The following IGFBP7 variants were observed in gnomAD, a reference collection of about 807,000 sequenced individuals.
IGFBP7 encodes insulin-like growth factor-binding protein 7.
A neutral mutation model predicts 29.4 loss-of-function variants in IGFBP7; 31 were observed. That is an observed-to-expected ratio of 1.05 (90% CI 0.79 to 1.42). The LOEUF is 1.42. Among genes scored for constraint, IGFBP7 ranks in the 40% most tolerant of loss-of-function variants. The pLI is 0.00. For synonymous variants in IGFBP7, 172 were observed against 174.9 expected (o/e 0.98, Z 0.13); for missense variants, 393 against 395.5 (o/e 0.99, Z 0.05).
chr4:57,086,158 G>A (rs1009619051), intron 1 of IGFBP7, among the ~76,000 whole-genome samples: 9 of 152,352 alleles, frequency 5.9e-5, no homozygotes, highest in Admixed American at 5.2e-4. Flanking sequence ...AAGAGAGCAT[G>A]CAGAGGGGAA....
At chr4:57,063,561 G>A (rs1724847382) in intron 1 of IGFBP7, among the ~76,000 whole-genome samples, 1 of 152,212 alleles carries the variant, frequency 6.6e-6, no homozygotes, top group South Asian at 2.1e-4. Context: ...TTTTGTTGTT[G>A]CAGATCATTG....
chr4:57,081,831 T>G (rs564742813), intron 1 of IGFBP7, among the ~76,000 whole-genome samples: 2 of 152,314 alleles, frequency 1.3e-5, no homozygotes, highest in African/African-American at 4.8e-5. Context: ...AATAAAGGAC[T>G]ATTCAGAGTT....
At chr4:57,080,541 T>C (rs1177836156) in intron 1 of IGFBP7, among the ~76,000 whole-genome samples, 3 of 152,124 alleles carry the variant, frequency 2.0e-5, no homozygotes, top group Admixed American at 1.3e-4. Context: ...ATTTATTTTA[T>C]TTTTTGAGAC....
chr4:57,096,611 T>C (rs947535972), intron 1 of IGFBP7, among the ~76,000 whole-genome samples: 2 of 152,158 alleles, frequency 1.3e-5, no homozygotes, highest in African/African-American at 4.8e-5. Flanking sequence ...GAGTGCATAG[T>C]ATATGGTGAG....
intron 1 of IGFBP7, among the ~76,000 whole-genome samples, chr4:57,089,121 C>T (rs1725576159): frequency 1.3e-5 from 2 of 151,688 alleles, no homozygotes; most frequent in Non-Finnish European, 2.9e-5. Flanking sequence ...TGAACCCCAC[C>T]CTCTCCAAAA....
At chr4:57,073,276 T>G (rs567208607) in intron 1 of IGFBP7, 33 of 550,998 alleles carry the variant, frequency 6.0e-5, no homozygotes, top group African/African-American at 4.7e-4. Flanking sequence ...AGCCTCCAGT[T>G]GAGTGCTTGT....
Position 57,032,452 on chromosome 4 carries a change from G to C in IGFBP7, c.803C>G (p.Ala268Gly), listed in dbSNP as rs1420153576. Reference protein sequence around the residue: ...SASAKITVVDALHEIPVKKGE... With the variant: ...SASAKITVVDGLHEIPVKKGE... ...TTTTTTCACTGGTATTTCATGTAAGGCATCAACCACTGTAATTTTTGCTGA... is the reference window on the plus strand; with the variant it reads ...TTTTTTCACTGGTATTTCATGTAAGCCATCAACCACTGTAATTTTTGCTGA... The change falls in exon 4 of 5, where the codon GCC becomes GGC. Residue 268 changes from alanine (A) to glycine (G), a missense_variant. Coordinates refer to ENST00000295666, the MANE Select transcript of IGFBP7 (RefSeq NM_001553.3). The C allele has an allele frequency of 2.5e-6, 4 of 1,613,212 alleles. No homozygotes were observed. The East Asian group carries it at 8.9e-5, about 36-fold the overall frequency.
At chr4:57,051,737 C>T (rs1724506845) in intron 1 of IGFBP7, among the ~76,000 whole-genome samples, 1 of 152,206 alleles carries the variant, frequency 6.6e-6, no homozygotes, top group East Asian at 1.9e-4. Context: ...TATTTCACTT[C>T]CCCTGCTTTA....
chr4:57,054,639 C>CAAAAAAAAAAAAAAAAAAAAA (rs75161514), intron 1 of IGFBP7, among the ~76,000 whole-genome samples: 6 of 27,840 alleles, frequency 2.2e-4, no homozygotes, highest in Admixed American at 6.0e-4. Flanking sequence ...CTCTCTCTCA[C>CAAAAAAAAAAAAAAAAAAAAA]AAAAAAAAAA....
chr4:57,047,188 C>G (rs1323529601), intron 1 of IGFBP7, among the ~76,000 whole-genome samples: 1 of 152,172 alleles, frequency 6.6e-6, no homozygotes, highest in African/African-American at 2.4e-5. Flanking sequence ...ATCATGGGGA[C>G]AGGTTTTTCC....
chr4:57,107,173 A>C (rs920898946), intron 1 of IGFBP7, among the ~76,000 whole-genome samples: 2 of 152,148 alleles, frequency 1.3e-5, no homozygotes, highest in Non-Finnish European at 2.9e-5. Flanking sequence ...CAGCAACATC[A>C]AATCTGTTTT....
At chr4:57,059,314 T>C (rs1054201398) in intron 1 of IGFBP7, among the ~76,000 whole-genome samples, 1 of 152,194 alleles carries the variant, frequency 6.6e-6, no homozygotes, top group African/African-American at 2.4e-5. Flanking sequence ...ATTGCAGCAC[T>C]ATTCACCATA....
intron 1 of IGFBP7, among the ~76,000 whole-genome samples, chr4:57,080,787 A>C (rs188997794): frequency 6.6e-6 from 1 of 152,372 alleles, no homozygotes; most frequent in Non-Finnish European, 1.5e-5. Flanking sequence ...CCGATCCAGG[A>C]AATGTCAGGA....
intron 1 of IGFBP7, among the ~76,000 whole-genome samples, chr4:57,088,468 G>T (rs572430000): frequency 6.6e-6 from 1 of 152,198 alleles, no homozygotes; most frequent in Non-Finnish European, 1.5e-5. Flanking sequence ...ACCACTCTCA[G>T]TTTCTGCTTC....
chr4:57,078,983 C>T (rs1476383502), intron 1 of IGFBP7, among the ~76,000 whole-genome samples: 5 of 152,200 alleles, frequency 3.3e-5, no homozygotes, highest in Non-Finnish European at 7.3e-5. Flanking sequence ...AATTCAATAC[C>T]TCCTGCTGCG....
At chr4:57,096,018 T>G (rs752058977) in intron 1 of IGFBP7, among the ~76,000 whole-genome samples, 1 of 151,922 alleles carries the variant, frequency 6.6e-6, no homozygotes, top group Non-Finnish European at 1.5e-5. Context: ...AGTGAACAAA[T>G]AGATAAAAAG....
At chr4:57,089,588 A>T (rs901917811) in intron 1 of IGFBP7, among the ~76,000 whole-genome samples, 1 of 152,168 alleles carries the variant, frequency 6.6e-6, no homozygotes, top group Admixed American at 6.5e-5. Flanking sequence ...GGTCTCTAAA[A>T]CACTAAGCTT....
At chr4:57,052,449 C>A (rs748688795) in intron 1 of IGFBP7, among the ~76,000 whole-genome samples, 1 of 152,150 alleles carries the variant, frequency 6.6e-6, no homozygotes, top group Non-Finnish European at 1.5e-5. Context: ...CCAGAAGTGC[C>A]AAGGCAAGCA....
At chr4:57,041,240 T>A (rs1724219458) in intron 1 of IGFBP7, among the ~76,000 whole-genome samples, 1 of 152,236 alleles carries the variant, frequency 6.6e-6, no homozygotes, top group South Asian at 2.1e-4. Context: ...TATCTGGGAC[T>A]TTTCCAGTAG....
Sources: allele counts gnomAD v4.1 joint callset (sites outside exome capture counted in the v4.1 genomes callset), GRCh38; gene constraint gnomAD v4.1.1; transcripts MANE v1.5; gene names NCBI Gene and HGNC (gene_info 2026-07-23, HGNC 2026-07-21).